Variants in CYTH1 observed in about 807,000 individuals in gnomAD.
CYTH1 encodes the protein cytohesin 1, also known as cytohesin-1.
Under a neutral mutation model 61.8 loss-of-function variants are expected in CYTH1, and 18 were observed. The ratio of observed to expected loss-of-function variants is 0.29; its 90% CI spans 0.20 to 0.43. CYTH1 has a LOEUF of 0.43. Among genes scored for constraint, CYTH1 ranks in the 20% least tolerant of loss-of-function variants. The pLI is 1.00. For missense variants in CYTH1, 336 were observed against 510.5 expected (o/e 0.66, Z 3.29); for synonymous variants, 174 against 184.3 (o/e 0.94, Z 0.45).
At chr17:78,748,948 G>T (rs796390318) in intron 1 of CYTH1, among the ~76,000 whole-genome samples, 3 of 152,218 alleles carry the variant, frequency 2.0e-5, no homozygotes, top group African/African-American at 7.2e-5. Context: ...CTGAACCAGC[G>T]CGGTCCTGCC....
At chr17:78,730,007 G>A (rs747837627) in intron 1 of CYTH1, among the ~76,000 whole-genome samples, 1 of 152,076 alleles carries the variant, frequency 6.6e-6, no homozygotes, top group Non-Finnish European at 1.5e-5. Flanking sequence ...ATACAGAAAT[G>A]CCCCCAGCCA....
intron 1 of CYTH1, among the ~76,000 whole-genome samples, chr17:78,773,165 C>T (rs1272945344): frequency 6.6e-6 from 1 of 151,984 alleles, no homozygotes; most frequent in South Asian, 2.1e-4. Context: ...ATAACCCAGA[C>T]CAATACAATC....
At position 78,692,423 on chromosome 17, in the gene CYTH1, A is replaced by G. The variant is rs1256919212; in HGVS notation, c.885T>C (p.Tyr295=). 20 of 1,614,120 alleles carry G rather than the reference A, an allele frequency of 1.2e-5. No homozygotes were observed. Among genetic ancestry groups the G allele is most frequent in the Non-Finnish European group, 1.7e-5 (20 of 1,179,998 alleles). The change falls in exon 11 of 14, where the codon TAT becomes TAC. Residue 295 remains tyrosine, a synonymous_variant. Coordinates refer to ENST00000446868, the MANE Select transcript of CYTH1 (RefSeq NM_004762.6). The part of the protein sequence containing the change: ...LTDNCLYYFE[Y]TTDKEPRGII... Reference sequence around the variant, plus strand: ...CCGACTAGCAGGTGCTCACCGTGGTATACTCAAAGTAGTAAAGGCAGTTGT... The same window carrying G: ...CCGACTAGCAGGTGCTCACCGTGGTGTACTCAAAGTAGTAAAGGCAGTTGT...
intron 3 of CYTH1, among the ~76,000 whole-genome samples, chr17:78,703,498 ATACT>A (rs1567844963): frequency 6.6e-6 from 1 of 151,532 alleles, no homozygotes; most frequent in Non-Finnish European, 1.5e-5. Context: ...AATTTTTAGT[ATACT>A]TACTAAGTTG....
At chr17:78,712,134 A>G (rs55930145) in intron 1 of CYTH1, among the ~76,000 whole-genome samples, 1,565 of 97,996 alleles carry the variant, frequency 0.016, 35 homozygotes, top group African/African-American at 0.059. Flanking sequence ...GGGAGGGAGG[A>G]AGGAAGGGAA....
intron 1 of CYTH1, among the ~76,000 whole-genome samples, chr17:78,718,218 T>TACACACACACACACACACAC (rs55803104): frequency 3.3e-4 from 43 of 128,388 alleles, no homozygotes; most frequent in East Asian, 1.2e-3. Context: ...AAACACTGAA[T>TACACACACACACACACACAC]ACACACACAC....
At chr17:78,746,256 A>G (rs2144655664) in intron 1 of CYTH1, among the ~76,000 whole-genome samples, 1 of 152,326 alleles carries the variant, frequency 6.6e-6, no homozygotes, top group Non-Finnish European at 1.5e-5. Context: ...GCATCACTGC[A>G]AAGATAAAAT....
intron 1 of CYTH1, chr17:78,728,039 C>T (rs2093275432): frequency 1.0e-5 from 2 of 191,132 alleles, no homozygotes; most frequent in Non-Finnish European, 2.3e-5. Flanking sequence ...AAATGGATGC[C>T]CACCTCTAGG....
intron 1 of CYTH1, among the ~76,000 whole-genome samples, chr17:78,774,552 T>C (rs928656064): frequency 1.3e-5 from 2 of 152,180 alleles, no homozygotes; most frequent in Admixed American, 1.3e-4. Context: ...CATTATTCCC[T>C]CCACAGTTGC....
At chr17:78,770,335 AAAAAG>A (rs1410432059) in intron 1 of CYTH1, among the ~76,000 whole-genome samples, 4 of 133,576 alleles carry the variant, frequency 3.0e-5, no homozygotes, top group Non-Finnish European at 6.4e-5. Flanking sequence ...CAAAAAAAAA[AAAAAG>A]AAAAGAAAAG....
At chr17:78,739,568 T>C (rs989231508) in intron 1 of CYTH1, among the ~76,000 whole-genome samples, 2 of 152,096 alleles carry the variant, frequency 1.3e-5, no homozygotes, top group African/African-American at 4.8e-5. Context: ...GTAGGCGAAC[T>C]GCATGGGGCC....
At chr17:78,738,888 A>C (rs2093331549) in intron 1 of CYTH1, among the ~76,000 whole-genome samples, 1 of 152,204 alleles carries the variant, frequency 6.6e-6, no homozygotes, top group Non-Finnish European at 1.5e-5. Flanking sequence ...ATAGACACCC[A>C]AAGGCAGAAA....
At chr17:78,699,422 C>T (rs1455778000) in intron 7 of CYTH1, among the ~76,000 whole-genome samples, 2 of 151,218 alleles carry the variant, frequency 1.3e-5, no homozygotes, top group African/African-American at 4.9e-5. Flanking sequence ...TGTACGGGTA[C>T]ACTCCAGGGC....
rs747716715 is a variant in CYTH1, at chr17:78,709,680, C to T, written c.75G>A (p.Arg25=). The T allele has an allele frequency of 6.2e-7, 1 of 1,614,228 alleles. No homozygotes were observed. Among genetic ancestry groups the T allele is most frequent in the South Asian group, 1.1e-5 (1 of 91,090 alleles). The change falls in exon 2 of 14, where the codon CGG becomes CGA. Residue 25 remains arginine, a synonymous_variant. Transcript: ENST00000446868. ...EERQELENIR[R]RKQELLADIQ... is the part of the protein sequence containing the mutation. Reference sequence around the variant, plus strand: ...TGTCAGCCAGCAGCTCCTGTTTTCTCCGTCGGATGTTCTCCAGTTCTTGAC... The same window carrying T: ...TGTCAGCCAGCAGCTCCTGTTTTCTTCGTCGGATGTTCTCCAGTTCTTGAC...
intron 1 of CYTH1, among the ~76,000 whole-genome samples, chr17:78,772,049 CCAT>C (rs2093473444): frequency 6.6e-6 from 1 of 152,178 alleles, no homozygotes; most frequent in African/African-American, 2.4e-5. Flanking sequence ...TCCACCTCCT[CCAT>C]GCCTCTATGA....
At chr17:78,703,450 A>AAT (rs2093034586) in intron 3 of CYTH1, among the ~76,000 whole-genome samples, 2 of 151,510 alleles carry the variant, frequency 1.3e-5, no homozygotes, top group South Asian at 4.2e-4. Context: ...ATCAGGGTAT[A>AAT]ATTTACTTAT....
intron 1 of CYTH1, among the ~76,000 whole-genome samples, chr17:78,759,704 T>C (rs886142684): frequency 1.3e-5 from 2 of 152,204 alleles, no homozygotes; most frequent in Non-Finnish European, 2.9e-5. Flanking sequence ...ATAAATTAGA[T>C]AGTTACAGCT....
In CYTH1 at chr17:78,761,566, G is replaced by A. The variant is rs192171164; in HGVS notation, c.22+20636C>T. ...AGCCTGGCTAACACGGTGAAACCCC[G>A]TCTCTACTAAAAACACAAAAAATCA... On this transcript the variant is annotated intron_variant, in intron 1 of 13. Coordinates refer to ENST00000446868, the MANE Select transcript of CYTH1 (RefSeq NM_004762.6). Among the ~76,000 whole-genome samples the A allele has an allele frequency of 3.1e-3, 476 of 152,156 alleles. 4 individuals carry two copies. Among genetic ancestry groups the A allele is most frequent in the African/African-American group, 0.011 (447 of 41,524 alleles).
rs1365846526 is a variant in CYTH1 at position 78,680,342 on chromosome 17, G to A, written c.966C>T (p.Asn322=). ...IREVEDSKKP[N]CFELYIPDNK... ...TGTCGGGGATATAAAGCTCAAAGCA[G>A]TTCTGAGAATCAAAACAGAGAGGGA... The change falls in exon 13 of 14, where the codon AAC becomes AAT. Residue 322 remains asparagine (N), a splice_region_variant and synonymous_variant. Coordinates refer to ENST00000446868, the MANE Select transcript of CYTH1 (RefSeq NM_004762.6). 1.2e-6 allele frequency: 2 copies of A among 1,610,982 alleles called. No individual in the cohort carries two copies. Among genetic ancestry groups the A allele is most frequent in the Non-Finnish European group, 1.7e-6 (2 of 1,178,164 alleles).
Sources: gnomAD v4.1 joint callset for allele counts (sites outside exome capture counted in the v4.1 genomes callset) on GRCh38, gnomAD v4.1.1 for gene constraint, MANE v1.5 for transcripts, NCBI Gene and HGNC (gene_info 2026-07-23, HGNC 2026-07-21) for gene names.